Variants in PPP1R3F observed in about 807,000 individuals in gnomAD.
PPP1R3F encodes the protein protein phosphatase 1 regulatory subunit 3F.
PPP1R3F carries 29 observed loss-of-function variants against 24.2 expected under a neutral mutation model. The ratio of observed to expected loss-of-function variants is 1.20; its 90% CI spans 0.89 to 1.63. The LOEUF (loss-of-function observed/expected upper bound fraction) is 1.63. PPP1R3F is among the 40% of genes most tolerant of loss of function. The pLI is 0.00. For missense variants in PPP1R3F, 823 were observed against 729.3 expected, an observed-to-expected ratio of 1.13 and a Z score of -1.48; for synonymous variants, 363 against 340.1, an observed-to-expected ratio of 1.07 and a Z score of -0.74.
rs781830890 is a variant in PPP1R3F, at chrX:49,270,468, C to A, written c.599C>A (p.Pro200Gln). 1.7e-6 allele frequency: 2 copies of A among 1,200,109 alleles called. No homozygotes were observed. Among genetic ancestry groups the A allele is most frequent in the South Asian group, 1.8e-5 (1 of 56,503 alleles). Residue 200 changes from proline (P) to glutamine (Q), a missense_variant, in exon 1 of 4, where the codon CCG (proline) becomes CAG (glutamine). Pro to Gln is a moderately conservative substitution (Grantham distance 76). Coordinates refer to ENST00000055335, the MANE Select transcript of PPP1R3F (RefSeq NM_033215.5). Reference protein sequence around the residue: ...SFCDHPARYVPRSPPWAGAGG... With the variant: ...SFCDHPARYVQRSPPWAGAGG... ...TGCGACCACCCAGCGCGCTACGTCC[C>A]GCGCAGCCCGCCGTGGGCAGGAGCG...
Position 49,285,944 on chromosome X carries a change from C to T in PPP1R3F, c.1254C>T (p.Pro418=). 8.3e-7 allele frequency: 1 copy of T among 1,207,757 alleles called. No homozygotes were observed. Among genetic ancestry groups the T allele is most frequent in the South Asian group, 1.8e-5 (1 of 56,228 alleles). Residue 418 remains proline, a synonymous_variant, in exon 4 of 4, where the codon CCC becomes CCT. Transcript: ENST00000055335. ...EVLQAPAIRI[P]PSSPLCGLGG... The stretch of plus-strand genomic sequence containing the variant: ...TCCAGGCACCGGCCATCAGGATTCC[C>T]CCCTCCTCCCCTCTCTGTGGCCTGG...
Position 49,285,899 on chromosome X carries a change from T to G in PPP1R3F, c.1209T>G (p.Pro403=), listed in dbSNP as rs2066278644. ...EEGDVPRSSP[P]VAFTEVLQAP... is the part of the protein sequence containing the mutation. ...GTGATGTCCCCAGAAGCAGTCCACCTGTGGCTTTTACAGAGGTCCTCCAGG... is the reference window on the plus strand; with the variant it reads ...GTGATGTCCCCAGAAGCAGTCCACCGGTGGCTTTTACAGAGGTCCTCCAGG... The change falls in exon 4 of 4, where the codon CCT becomes CCG. Residue 403 remains proline, a synonymous_variant. Transcript: ENST00000055335. 8.3e-7 allele frequency: 1 copy of G among 1,202,897 alleles called. No individual in the cohort carries two copies. The highest frequency in any genetic ancestry group is 1.1e-6 in the Non-Finnish European group (1 of 891,004).
Position 49,269,884 on chromosome X carries a change from C to G in PPP1R3F, c.15C>G (p.Ala5=). The change falls in exon 1 of 4, where the codon GCC becomes GCG. Residue 5 remains alanine, a synonymous_variant. Coordinates refer to ENST00000055335, the MANE Select transcript of PPP1R3F (RefSeq NM_033215.5). MART[A]PVEPPLRHSA... is the part of the protein sequence containing the mutation. The stretch of plus-strand genomic sequence containing the variant: ...CCGCCGCCGATATGGCGCGTACGGC[C>G]CCTGTGGAGCCCCCGCTGCGGCATT... The G allele has an allele frequency of 1.1e-6, 1 of 900,936 alleles. No homozygotes were observed. The highest frequency in any genetic ancestry group is 1.4e-6 in the Non-Finnish European group (1 of 732,293). The allele number at this position is 900,936 out of a possible 1,213,427, so 74.2% of individuals were successfully genotyped here.
chrX:49,283,325 C>G (rs781922286), intron 3 of PPP1R3F, among the ~76,000 whole-genome samples: 4 of 107,889 alleles, frequency 3.7e-5, no homozygotes, highest in Non-Finnish European at 7.7e-5. Context: ...GGTGTGATCT[C>G]AGCTTACTGC....
intron 2 of PPP1R3F, 125 bp downstream of exon 2, chrX:49,281,586 T>C (rs782045876): frequency 3.6e-6 from 2 of 549,724 alleles, no homozygotes; most frequent in Non-Finnish European, 5.9e-6. Context: ...TCCCAGCACT[T>C]TGGGAGGCTG....
rs782569349 is a variant in PPP1R3F, at chrX:49,270,533, C to T, written c.664C>T (p.Leu222Phe). ...GAGDPILDPG[L>F]GLGPGQASAS... Reference sequence around the variant, plus strand: ...AGGAGATCCCATCCTGGATCCGGGGCTCGGCCTGGGTCCCGGCCAGGCATC... The same window carrying T: ...AGGAGATCCCATCCTGGATCCGGGGTTCGGCCTGGGTCCCGGCCAGGCATC... The change falls in exon 1 of 4, where the codon CTC becomes TTC. Residue 222 changes from leucine (L) to phenylalanine (F), a missense_variant. Coordinates refer to ENST00000055335, the MANE Select transcript of PPP1R3F (RefSeq NM_033215.5). 7 of 1,204,161 alleles carry T rather than the reference C, an allele frequency of 5.8e-6. No individual in the cohort carries two copies. In the South Asian group the frequency reaches 1.1e-4, roughly 18 times the overall value.
chrX:49,279,432 C>T (rs1015080848), intron 1 of PPP1R3F, among the ~76,000 whole-genome samples: 17 of 111,844 alleles, frequency 1.5e-4, no homozygotes, highest in South Asian at 7.5e-4. Context: ...GCCTGTAACC[C>T]CAGCACATTG....
downstream of PPP1R3F, among the ~76,000 whole-genome samples, chrX:49,290,069 CAAAAA>C (rs2066304207): frequency 9.4e-6 from 1 of 106,125 alleles, no homozygotes. Context: ...ACTCTTGTCT[CAAAAA>C]AACAAAACAA....
chrX:49,285,825 T>C lies in PPP1R3F; in HGVS notation c.1144-9T>C. The stretch of plus-strand genomic sequence containing the variant: ...TTTCTCTGCCCCCTTGCCCCGGCCA[T>C]GGCTCCAGGTTTCTGACGTTCCGAT... On this transcript the variant is annotated splice_polypyrimidine_tract_variant and intron_variant, in intron 3 of 3. Coordinates refer to ENST00000055335, the MANE Select transcript of PPP1R3F (RefSeq NM_033215.5). The C allele has an allele frequency of 2.7e-6, 3 of 1,129,805 alleles. No homozygotes were observed. The highest frequency in any genetic ancestry group is 3.5e-6 in the Non-Finnish European group (3 of 852,464). The allele number at this position is 1,129,805 out of a possible 1,213,427, so 93.1% of individuals were successfully genotyped here.
At chrX:49,282,653 C>T (rs1450791850) in intron 3 of PPP1R3F, among the ~76,000 whole-genome samples, 2 of 108,634 alleles carry the variant, frequency 1.8e-5, no homozygotes, top group Non-Finnish European at 3.8e-5. Context: ...TGAGGTGAGG[C>T]CATGACTAAC....
chrX:49,271,983 GTC>G (rs1450462994), intron 1 of PPP1R3F, among the ~76,000 whole-genome samples: 7 of 112,488 alleles, frequency 6.2e-5, no homozygotes, highest in African/African-American at 2.3e-4. Flanking sequence ...GGTCACCTAA[GTC>G]TGGCCCAGGA....
chrX:49,284,392 ACCTTTCCTTTCTTTCTTT>A (rs1557121052), intron 3 of PPP1R3F, among the ~76,000 whole-genome samples: 2 of 79,074 alleles, frequency 2.5e-5, no homozygotes, highest in Non-Finnish European at 2.6e-5. Flanking sequence ...TTCTTTCCTT[ACCTTTCCTTTCTTTCTTT>A]CCTTTCCTTT....
intron 1 of PPP1R3F, among the ~76,000 whole-genome samples, chrX:49,272,027 C>A (rs1557119407): frequency 1.8e-5 from 2 of 112,458 alleles, no homozygotes; most frequent in African/African-American, 6.5e-5. Context: ...GTATACATTT[C>A]CCTGTTCCTG....
At position 49,286,547 on chromosome X, in the gene PPP1R3F, A is replaced by C. The variant is rs781829759; in HGVS notation, c.1857A>C (p.Pro619=). The C allele has an allele frequency of 1.7e-6, 2 of 1,211,531 alleles. No individual in the cohort carries two copies. Among genetic ancestry groups the C allele is most frequent in the Non-Finnish European group, 2.2e-6 (2 of 895,252 alleles). ...VVATMGDVWL[P]WAEGSGCDGP... ...CCACGATGGGAGATGTGTGGCTCCC[A>C]TGGGCAGAGGGCTCAGGATGTGACG... Residue 619 remains proline (P), a synonymous_variant, in exon 4 of 4, where the codon CCA becomes CCC. Coordinates refer to ENST00000055335, the MANE Select transcript of PPP1R3F (RefSeq NM_033215.5).
chrX:49,271,742 G>C (rs1226649432), intron 1 of PPP1R3F, among the ~76,000 whole-genome samples: 3 of 113,130 alleles, frequency 2.7e-5, no homozygotes, highest in Non-Finnish European at 5.6e-5. Flanking sequence ...GAGGCGAGGG[G>C]CTGAGCCCAT....
At chrX:49,281,347 G>T in intron 1 of PPP1R3F, 59 bp from the exon 2 acceptor site, 2 of 962,585 alleles carry the variant, frequency 2.1e-6, no homozygotes, top group South Asian at 4.4e-5. Flanking sequence ...GCCAGTGGGT[G>T]GCAGAAGTGA....
At chrX:49,290,648 T>C (rs1349710916), downstream of PPP1R3F, among the ~76,000 whole-genome samples, 1 of 111,582 alleles carries the variant, frequency 9.0e-6, no homozygotes, top group African/African-American at 3.3e-5. Flanking sequence ...ACAGGTCTTA[T>C]AGTCAAGGCA....
chrX:49,291,324 C>A (rs112842984), downstream of PPP1R3F, among the ~76,000 whole-genome samples: 1 of 100,910 alleles, frequency 9.9e-6, no homozygotes, highest in African/African-American at 3.8e-5. Context: ...CTCTCTCTCT[C>A]TCTGTCTCTC....
At position 49,287,514 on chromosome X, in the gene PPP1R3F, C is replaced by A. The variant is rs1391749150; in HGVS notation, c.*424C>A. ...TGCCACAATAGAGCTCTATGAGAAA[C>A]AGTGTCTTGCGGTGTAGTGTTCTCC... On this transcript the variant is annotated 3_prime_UTR_variant, in exon 4 of 4. Transcript: ENST00000055335. 8.0e-6 allele frequency: 1 copy of A among 124,407 alleles called. No individual in the cohort carries two copies. Among genetic ancestry groups the A allele is most frequent in the Non-Finnish European group, 1.6e-5 (1 of 61,116 alleles). 10.3% of individuals were successfully genotyped at this position (124,407 alleles called of 1,213,427 possible). A position where few individuals can be genotyped will look rare whatever the true frequency, so the allele number is the denominator to read the frequency against.
Sources: allele counts gnomAD v4.1 joint callset (sites outside exome capture counted in the v4.1 genomes callset), GRCh38; gene constraint gnomAD v4.1.1; transcripts MANE v1.5; gene names NCBI Gene and HGNC (gene_info 2026-07-23, HGNC 2026-07-21).